Variants in P3H1 observed in about 807,000 individuals in gnomAD.
P3H1 encodes prolyl 3-hydroxylase 1.
In P3H1, 69 loss-of-function variants were observed where a neutral mutation model predicts 84.0. The ratio of observed to expected loss-of-function variants is 0.82; its 90% CI spans 0.68 to 1.00. The LOEUF (loss-of-function observed/expected upper bound fraction) is 1.00. Ranked by LOEUF, P3H1 falls within the 50% of genes least tolerant of loss-of-function variation. The pLI is 0.00. For missense variants in P3H1, 878 were observed against 962.8 expected (o/e 0.91, Z 1.17); for synonymous variants, 366 against 388.8 (o/e 0.94, Z 0.69).
rs1310262843 is a variant in P3H1 at position 42,747,386 on chromosome 1, T to A, written c.1941A>T (p.Arg647Ser). Residue 647 changes from arginine to serine, a missense_variant, in exon 14 of 15, where the codon AGA becomes AGT. Coordinates refer to ENST00000296388, the MANE Select transcript of P3H1 (RefSeq NM_022356.4). The part of the protein sequence containing the change: ...VTAEVQPQCG[R>S]AVGFSSGTEN... ...CAGTGCCTGAAGAGAATCCCACGGCTCTTCCACACTGAGGCTGCACCTCTG... is the reference window on the plus strand; with the variant it reads ...CAGTGCCTGAAGAGAATCCCACGGCACTTCCACACTGAGGCTGCACCTCTG... The A allele has an allele frequency of 6.8e-6, 11 of 1,611,222 alleles. No individual in the cohort carries two copies. The highest frequency in any genetic ancestry group is 9.3e-6 in the Non-Finnish European group (11 of 1,178,824).
chr1:42,752,665 C>G lies in P3H1; in HGVS notation c.1346-1G>C, dbSNP rs886042897. 6.2e-7 allele frequency: 1 copy of G among 1,614,206 alleles called. No homozygotes were observed. Among genetic ancestry groups the G allele is most frequent in the South Asian group, 1.1e-5 (1 of 91,078 alleles). On this transcript the variant is annotated splice_acceptor_variant, in intron 8 of 14. Transcript: ENST00000296388. LOFTEE classifies it high-confidence loss of function. ...ATGCCTTCATACAGCAGGGGGCCAC[C>G]TGCAAAGCAATGACAAAACTCTAGC...
At chr1:42,762,592 C>A in intron 1 of P3H1, 117 bp from the exon 2 acceptor site, 1 of 1,113,176 alleles carries the variant, frequency 9.0e-7, no homozygotes. Context: ...CTCCACTCAG[C>A]GTGCCCAGCC....
At chr1:42,756,191 T>G (rs1652395212) in intron 5 of P3H1, among the ~76,000 whole-genome samples, 1 of 152,162 alleles carries the variant, frequency 6.6e-6, no homozygotes, top group South Asian at 2.1e-4. Flanking sequence ...ACCCAGGTCT[T>G]CTGTTATCTT....
chr1:42,766,580 G>T lies in P3H1; in HGVS notation c.392C>A (p.Ser131Ter), dbSNP rs72659347. Reference sequence around the variant, plus strand: ...CTCCAGCTCCATCTCTTCGCTGAGCGAGTGGGCGGCCGGCGGCCCGAGGCA... The same window carrying T: ...CTCCAGCTCCATCTCTTCGCTGAGCTAGTGGGCGGCCGGCGGCCCGAGGCA... ...RRCLGPPAAH[S>*]LSEEMELEFR... Residue 131 changes from serine (S) to a stop codon, truncating the protein, a stop_gained, in exon 1 of 15, where the codon TCG becomes TAG. Coordinates refer to ENST00000296388, the MANE Select transcript of P3H1 (RefSeq NM_022356.4). LOFTEE classifies it high-confidence loss of function. The T allele has an allele frequency of 2.5e-6, 4 of 1,611,090 alleles. No homozygotes were observed. The highest frequency in any genetic ancestry group is 1.3e-5 in the African/African-American group (1 of 74,902).
At chr1:42,761,203 T>C (rs4660664) in intron 2 of P3H1, 106,267 of 151,364 alleles carry the variant, frequency 0.7, 37,359 homozygotes, top group South Asian at 0.84. Context: ...CTCCTGACCT[T>C]AAGTGATCCA....
chr1:42,750,286 G>C lies in P3H1; in HGVS notation c.1620C>G (p.Asn540Lys), dbSNP rs140334418. The change falls in exon 11 of 15, where the codon AAC becomes AAG. Residue 540 changes from asparagine to lysine, a missense_variant. By Grantham distance (94) the Asn-to-Lys change is moderately conservative. Transcript: ENST00000296388. ...TGATGCGCCGCACCTTCTCCGTCACGTTGTAGTACAGGTGGGCACTCTGCA... is the reference window on the plus strand; with the variant it reads ...TGATGCGCCGCACCTTCTCCGTCACCTTGTAGTACAGGTGGGCACTCTGCA... The part of the protein sequence containing the change: ...VPLQSAHLYY[N>K]VTEKVRRIME... 6.2e-7 allele frequency: 1 copy of C among 1,614,088 alleles called. No homozygotes were observed.
At position 42,755,581 on chromosome 1, in the gene P3H1, A is replaced by C. The variant is rs1438739861; in HGVS notation, c.1137T>G (p.Ala379=). The C allele has an allele frequency of 6.2e-7, 1 of 1,614,126 alleles. No individual in the cohort carries two copies. ...SLLEKELLFF[A]YDVFGIPFVD... Reference sequence around the variant, plus strand: ...CAAAGGGAATTCCAAAAACATCATAAGCGAAGAAAAGCAGTTCTTTTTCCA... The same window carrying C: ...CAAAGGGAATTCCAAAAACATCATACGCGAAGAAAAGCAGTTCTTTTTCCA... Residue 379 remains alanine, a synonymous_variant, in exon 6 of 15, where the codon GCT becomes GCG. Coordinates refer to ENST00000296388, the MANE Select transcript of P3H1 (RefSeq NM_022356.4).
rs1396580236 is a variant in P3H1 at position 42,750,655 on chromosome 1, G to T, written c.1570-319C>A. 2.5e-3 allele frequency among the ~76,000 whole-genome samples: 322 copies of T among 130,952 alleles called. 65 individuals are homozygous for T. The highest frequency in any genetic ancestry group is 9.6e-3 in the African/African-American group (295 of 30,714). 85.9% of individuals were successfully genotyped at this position (130,952 alleles called of 152,430 possible). On this transcript the variant is annotated intron_variant, in intron 10 of 14. Transcript: ENST00000296388. ...ACCCCGTCCGGGAGGGAGGCCGGGGGGGGTGGTCGGCCAGCCGCCCCGTCC... is the reference window on the plus strand; with the variant it reads ...ACCCCGTCCGGGAGGGAGGCCGGGGTGGGTGGTCGGCCAGCCGCCCCGTCC...
At chr1:42,758,073 T>C in intron 4 of P3H1, 151 bp from the exon 5 acceptor site, 1 of 770,536 alleles carries the variant, frequency 1.3e-6, no homozygotes, top group Non-Finnish European at 2.3e-6. Flanking sequence ...CATGATGGCC[T>C]GATTTCAGGG....
At position 42,747,285 on chromosome 1, in the gene P3H1, C is replaced by G; in HGVS notation, c.2042G>C (p.Arg681Pro). The G allele has an allele frequency of 1.2e-6, 2 of 1,613,882 alleles. No homozygotes were observed. Among genetic ancestry groups the G allele is most frequent in the African/African-American group, 1.3e-5 (1 of 75,052 alleles). ...AGCTGCTCTCACCCGCTCGCTGTGT[C>G]GAGGGTCCAGGGTGAACCACAGGGC... ...AIALWFTLDPRHSERDRVQAD... is the reference protein window; with the variant it reads ...AIALWFTLDPPHSERDRVQAD... Residue 681 changes from arginine (R) to proline (P), a missense_variant, in exon 14 of 15, where the codon CGA becomes CCA. Arg to Pro is a moderately radical substitution (Grantham distance 103). Coordinates refer to ENST00000296388, the MANE Select transcript of P3H1 (RefSeq NM_022356.4).
At chr1:42,765,619 G>C (rs1039728030) in intron 1 of P3H1, among the ~76,000 whole-genome samples, 2 of 152,172 alleles carry the variant, frequency 1.3e-5, no homozygotes, top group Non-Finnish European at 1.5e-5. Context: ...GAACTGTGTA[G>C]GCAGAATGCT....
rs1361074703 is a variant in P3H1, at chr1:42,748,112, T to C, written c.1838+88A>G. The C allele has an allele frequency of 2.3e-5, 21 of 932,578 alleles. No individual in the cohort carries two copies. In the Middle Eastern group the frequency reaches 1.2e-3, roughly 51 times the overall value. The allele number at this position is 932,578 out of a possible 1,614,324, so 57.8% of individuals were successfully genotyped here. A position where few individuals can be genotyped will look rare whatever the true frequency, so the allele number is the denominator to read the frequency against. ...CAGCTAGCCCCAACCAGTGTGTGTG[T>C]GCTAGGGTGGGGTAGTAGAGTGCAG... is the stretch of plus-strand genomic sequence containing the variant. On this transcript the variant is annotated intron_variant, in intron 12 of 14. Coordinates refer to ENST00000296388, the MANE Select transcript of P3H1 (RefSeq NM_022356.4).
intron 1 of P3H1, among the ~76,000 whole-genome samples, chr1:42,766,029 A>ACC (rs2124171725): frequency 7.2e-6 from 1 of 138,752 alleles, no homozygotes; most frequent in Non-Finnish European, 1.5e-5. Flanking sequence ...CCCCACACAC[A>ACC]CACAGAAAGG....
At position 42,759,318 on chromosome 1, in the gene P3H1, C is replaced by T. The variant is rs2124142756; in HGVS notation, c.691G>A (p.Ala231Thr). Residue 231 changes from alanine (A) to threonine (T), a missense_variant, in exon 3 of 15, where the codon GCG (alanine) becomes ACG (threonine). Coordinates refer to ENST00000296388, the MANE Select transcript of P3H1 (RefSeq NM_022356.4). ...TAGGCCACAAAGTATTCTTGCAGCG[C>T]CGCCTCTAGGTGGGGCACAGCTTCC... ...PQEAVPHLEA[A>T]LQEYFVAYEE... is the part of the protein sequence containing the mutation. The T allele has an allele frequency of 6.2e-7, 1 of 1,614,186 alleles. No homozygotes were observed. Among genetic ancestry groups the T allele is most frequent in the Non-Finnish European group, 8.5e-7 (1 of 1,180,032 alleles).
chr1:42,763,018 G>A (rs1347020110), intron 1 of P3H1, among the ~76,000 whole-genome samples: 2 of 151,922 alleles, frequency 1.3e-5, no homozygotes, highest in Non-Finnish European at 2.9e-5. Flanking sequence ...CTGGGAAGCA[G>A]AGGTTGCAGT....
rs747617057 is a variant in P3H1 at position 42,766,007 on chromosome 1, T to TC, written c.465+499dup. ...TAAACCTGGCAGACTAGCCAGAGGG[T>TC]CCCCCCCCCGCCCCCACACACACAC... On this transcript the variant is annotated intron_variant, in intron 1 of 14. Transcript: ENST00000296388. 1.9e-3 allele frequency among the ~76,000 whole-genome samples: 221 copies of TC among 117,670 alleles called. 3 individuals are homozygous for TC. Among genetic ancestry groups the TC allele is most frequent in the African/African-American group, 4.7e-3 (136 of 29,168 alleles). The allele number at this position is 117,670 out of a possible 152,430, so 77.2% of individuals were successfully genotyped here.
At chr1:42,750,751 C>T (rs1239968070) in intron 10 of P3H1, among the ~76,000 whole-genome samples, 1 of 146,158 alleles carries the variant, frequency 6.8e-6, no homozygotes, top group Non-Finnish European at 1.5e-5. Context: ...GGCGCCTCTG[C>T]CCGGCCGCCC....
chr1:42,749,631 G>A (rs760783990), intron 11 of P3H1, among the ~76,000 whole-genome samples: 9 of 152,152 alleles, frequency 5.9e-5, no homozygotes, highest in Non-Finnish European at 1.0e-4. Flanking sequence ...ACCTTTCTTA[G>A]TTCCCCTGAC....
chr1:42,750,548 G>C (rs553138323), intron 10 of P3H1, among the ~76,000 whole-genome samples: 27 of 152,288 alleles, frequency 1.8e-4, no homozygotes, highest in African/African-American at 6.3e-4. Flanking sequence ...TAAAAAAATG[G>C]GAGTTTGCGT....
Sources: allele counts gnomAD v4.1 joint callset (sites outside exome capture counted in the v4.1 genomes callset), GRCh38; gene constraint gnomAD v4.1.1; transcripts MANE v1.5; gene names NCBI Gene and HGNC (gene_info 2026-07-23, HGNC 2026-07-21).